The following RBFOX1 variants were observed in gnomAD, a reference collection of about 807,000 sequenced individuals.
RBFOX1 encodes RNA binding protein fox-1 homolog 1.
RBFOX1 carries 8 observed loss-of-function variants against 57.7 expected under a neutral mutation model. The observed-to-expected ratio is 0.14, with a 90% CI of 0.08 to 0.25. The LOEUF is 0.25. Ranked by LOEUF, RBFOX1 falls within the 10% of genes least tolerant of loss-of-function variation. The probability of loss-of-function intolerance (pLI) is 1.00; values close to 1 mark genes in which losing one functional copy is unlikely to be tolerated. For synonymous variants in RBFOX1, 326 were observed against 222.4 expected, an observed-to-expected ratio of 1.47 and a Z score of -4.15; for missense variants, 611 against 548.5, an observed-to-expected ratio of 1.11 and a Z score of -1.14.
chr16:5,562,375 G>C (rs2342531), intron 2 of RBFOX1, among the ~76,000 whole-genome samples: 34,013 of 152,004 alleles, frequency 0.22, 3,929 homozygotes, highest in South Asian at 0.35. Flanking sequence ...ATTCAGTGAA[G>C]AACCTCTTGG....
intron 1 of RBFOX1, among the ~76,000 whole-genome samples, chr16:5,296,083 C>G: frequency 1.0e-5 from 1 of 95,916 alleles, no homozygotes; most frequent in East Asian, 3.5e-4. Flanking sequence ...CCGGGTTCCC[C>G]CTGAGCTTCT....
intron 2 of RBFOX1, among the ~76,000 whole-genome samples, chr16:6,433,737 A>G (rs2094158446): frequency 6.6e-6 from 1 of 151,786 alleles, no homozygotes; most frequent in South Asian, 2.1e-4. Flanking sequence ...GGGGACTGCC[A>G]CTTTCCTTGG....
chr16:5,295,489 G>A (rs542293625), intron 1 of RBFOX1, among the ~76,000 whole-genome samples: 46 of 152,278 alleles, frequency 3.0e-4, no homozygotes, highest in African/African-American at 9.6e-4. Context: ...GCCAGGGCTC[G>A]GTTCTCATCT....
chr16:5,289,455 T>G (rs2063482388), intron 1 of RBFOX1: 1 of 228,462 alleles, frequency 4.4e-6, no homozygotes, highest in Non-Finnish European at 8.7e-6. Flanking sequence ...TTGTGAAGCC[T>G]TAATATAAAA....
At chr16:6,539,327 C>T (rs1459249251) in intron 2 of RBFOX1, among the ~76,000 whole-genome samples, 3 of 152,104 alleles carry the variant, frequency 2.0e-5, no homozygotes, top group Non-Finnish European at 2.9e-5. Flanking sequence ...ATAGTACTTA[C>T]AGAAATGGCT....
At chr16:7,563,507 G>A (rs2090929559) in intron 5 of RBFOX1, among the ~76,000 whole-genome samples, 1 of 151,956 alleles carries the variant, frequency 6.6e-6, no homozygotes, top group South Asian at 2.1e-4. Context: ...TTACACTGTT[G>A]CCCAGGCTGG....
At chr16:5,886,676 TCAGGAG>T (rs2057906961) in intron 4 of RBFOX1, among the ~76,000 whole-genome samples, 1 of 152,162 alleles carries the variant, frequency 6.6e-6, no homozygotes, top group South Asian at 2.1e-4. Flanking sequence ...TCATCTGAGG[TCAGGAG>T]TTTTGGACCA....
At chr16:7,136,093 C>T (rs1307301806) in intron 4 of RBFOX1, among the ~76,000 whole-genome samples, 2 of 152,162 alleles carry the variant, frequency 1.3e-5, no homozygotes, top group East Asian at 1.9e-4. Flanking sequence ...AAACACCTTG[C>T]AGGCAAGAAT....
At chr16:6,039,907 C>T (rs1192545994) in intron 1 of RBFOX1, among the ~76,000 whole-genome samples, 1 of 152,192 alleles carries the variant, frequency 6.6e-6, no homozygotes, top group Non-Finnish European at 1.5e-5. Flanking sequence ...GTTGAGAGGC[C>T]TGAGCCCTTC....
In RBFOX1 at chr16:6,523,330, C is replaced by T. The variant is rs1003026763; in HGVS notation, c.-63-131273C>T. On this transcript the variant is annotated intron_variant, in intron 2 of 15. Coordinates refer to ENST00000550418, the MANE Select transcript of RBFOX1 (RefSeq NM_018723.4). ...TTGATAAAGCTACTAGCCATTTGGA[C>T]GACAGAGGTGTTTAGATGGTTTGGT... 9.2e-5 allele frequency among the ~76,000 whole-genome samples: 14 copies of T among 152,024 alleles called. 1 individual carries two copies. The highest frequency in any genetic ancestry group is 1.5e-4 in the Non-Finnish European group (10 of 68,014).
chr16:6,918,246 C>T lies in RBFOX1; in HGVS notation c.-15-133811C>T, dbSNP rs202198249. ...GCAGTGAGCTGAGATTGTACCATTG[C>T]AATCCAGCCTGGGTGACAGAGCAAG... On this transcript the variant is annotated intron_variant, in intron 3 of 15. Transcript: ENST00000550418. 2.0e-5 allele frequency among the ~76,000 whole-genome samples: 3 copies of T among 148,678 alleles called. No homozygotes were observed. The South Asian group carries it at 6.4e-4, about 32-fold the overall frequency.
At chr16:6,305,502 C>T (rs1459337190) in intron 1 of RBFOX1, among the ~76,000 whole-genome samples, 5 of 151,866 alleles carry the variant, frequency 3.3e-5, no homozygotes, top group Admixed American at 2.6e-4. Context: ...CTTTATCAGT[C>T]CCAGATAGAT....
intron 1 of RBFOX1, among the ~76,000 whole-genome samples, chr16:6,119,263 A>G (rs2096530525): frequency 6.6e-6 from 1 of 152,062 alleles, no homozygotes; most frequent in South Asian, 2.1e-4. Flanking sequence ...TTTTAAGGGG[A>G]TATTTCTCAG....
chr16:5,888,862 A>G (rs1294125177), intron 4 of RBFOX1, among the ~76,000 whole-genome samples: 2 of 151,784 alleles, frequency 1.3e-5, no homozygotes, highest in African/African-American at 2.4e-5. Flanking sequence ...GGAATAAACA[A>G]TAGCATGTAC....
At chr16:6,139,367 G>T (rs535301316) in intron 1 of RBFOX1, among the ~76,000 whole-genome samples, 3 of 152,282 alleles carry the variant, frequency 2.0e-5, no homozygotes, top group East Asian at 3.9e-4. Flanking sequence ...GCTGCTTTCT[G>T]GCTGTGTGGT....
chr16:6,783,409 A>G (rs973482659), intron 3 of RBFOX1, among the ~76,000 whole-genome samples: 1 of 145,326 alleles, frequency 6.9e-6, no homozygotes, highest in African/African-American at 2.5e-5. Context: ...TCCCTGTTAA[A>G]GGTTTTTGCT....
intron 2 of RBFOX1, among the ~76,000 whole-genome samples, chr16:6,525,759 T>A (rs2153809955): frequency 6.6e-6 from 1 of 152,198 alleles, no homozygotes; most frequent in South Asian, 2.1e-4. Context: ...GTCTTACTAT[T>A]GTCTCCAGCA....
intron 1 of RBFOX1, among the ~76,000 whole-genome samples, chr16:5,336,106 A>G (rs1348336235): frequency 6.6e-6 from 1 of 152,110 alleles, no homozygotes; most frequent in Non-Finnish European, 1.5e-5. Context: ...TGAACTCCAA[A>G]TCATTGTGCT....
chr16:6,806,786 CT>C (rs147648510), intron 3 of RBFOX1, among the ~76,000 whole-genome samples: 7,262 of 124,054 alleles, frequency 0.059, 506 homozygotes, highest in African/African-American at 0.16. Context: ...TTTCTCTTTC[CT>C]TTTCATTTAT....
Sources: gnomAD v4.1 joint callset for allele counts (sites outside exome capture counted in the v4.1 genomes callset) on GRCh38, gnomAD v4.1.1 for gene constraint, MANE v1.5 for transcripts, NCBI Gene and HGNC (gene_info 2026-07-23, HGNC 2026-07-21) for gene names.